ADAM12: variants seen among roughly 807,000 people sequenced by gnomAD.
ADAM12 encodes disintegrin and metalloproteinase domain-containing protein 12.
A neutral mutation model predicts 106.4 loss-of-function variants in ADAM12; 70 were observed. The ratio of observed to expected loss-of-function variants is 0.66; its 90% CI spans 0.54 to 0.80. The LOEUF is 0.80. Among genes scored for constraint, ADAM12 ranks in the 30% least tolerant of loss-of-function variants. ADAM12 has a pLI of 0.00. For synonymous variants in ADAM12, 420 were observed against 433.5 expected (o/e 0.97, Z 0.39); for missense variants, 1,010 against 1,171.9 (o/e 0.86, Z 2.02).
chr10:126,140,602 A>C (rs1274558529), intron 4 of ADAM12, among the ~76,000 whole-genome samples: 2 of 152,230 alleles, frequency 1.3e-5, no homozygotes, highest in Non-Finnish European at 2.9e-5. Context: ...GTTGACTAAC[A>C]AGTCCGTTGT....
chr10:126,237,437 T>C (rs894288785), intron 3 of ADAM12, among the ~76,000 whole-genome samples: 7 of 152,208 alleles, frequency 4.6e-5, no homozygotes, highest in Non-Finnish European at 8.8e-5. Context: ...CCTCATTTCA[T>C]CTATGGCAGC....
At position 126,071,021 on chromosome 10, in the gene ADAM12, G is replaced by A. The variant is rs187714958; in HGVS notation, c.1323+456C>T. On this transcript the variant is annotated intron_variant, in intron 12 of 22. Coordinates refer to ENST00000448723, the MANE Select transcript of ADAM12 (RefSeq NM_001288973.2). ...AGCCTCAAGTCATGCATACAGAGGC[G>A]TCTGCAGCAGCAAGGCAGAATTTCA... 5.9e-5 allele frequency among the ~76,000 whole-genome samples: 9 copies of A among 152,266 alleles called. No individual in the cohort carries two copies. The East Asian group carries it at 9.7e-4, about 16-fold the overall frequency.
At chr10:126,244,348 C>A (rs1958588753) in intron 3 of ADAM12, among the ~76,000 whole-genome samples, 1 of 152,140 alleles carries the variant, frequency 6.6e-6, no homozygotes, top group South Asian at 2.1e-4. Context: ...TATTTGAAGG[C>A]AACCACAGCC....
chr10:126,144,788 C>T (rs1429437311), intron 4 of ADAM12, among the ~76,000 whole-genome samples: 6 of 152,192 alleles, frequency 3.9e-5, no homozygotes, highest in Non-Finnish European at 7.3e-5. Flanking sequence ...GGAAGAACTG[C>T]TGTGAAATGA....
intron 3 of ADAM12, among the ~76,000 whole-genome samples, chr10:126,204,871 C>T (rs1957767961): frequency 6.6e-6 from 1 of 152,206 alleles, no homozygotes; most frequent in Non-Finnish European, 1.5e-5. Flanking sequence ...AACTACCCAA[C>T]TCTGCGCTAT....
At chr10:126,191,691 T>C (rs1399211016) in intron 3 of ADAM12, among the ~76,000 whole-genome samples, 1 of 152,158 alleles carries the variant, frequency 6.6e-6, no homozygotes. Flanking sequence ...TTGAATGCTG[T>C]GGACAATAGC....
chr10:126,348,966 T>G (rs1488121555), intron 1 of ADAM12, among the ~76,000 whole-genome samples: 1 of 152,264 alleles, frequency 6.6e-6, no homozygotes, highest in African/African-American at 2.4e-5. Flanking sequence ...AGGTCCATGC[T>G]TCCTTGAATG....
At chr10:126,113,278 A>C (rs1444085736) in intron 6 of ADAM12, among the ~76,000 whole-genome samples, 5 of 152,102 alleles carry the variant, frequency 3.3e-5, no homozygotes, top group Admixed American at 6.5e-5. Flanking sequence ...AGGAGGTGGA[A>C]GATGGGGACA....
intron 3 of ADAM12, among the ~76,000 whole-genome samples, chr10:126,197,426 G>A (rs1297596537): frequency 2.0e-5 from 3 of 152,194 alleles, no homozygotes; most frequent in African/African-American, 7.2e-5. Context: ...ATGCAGCCTG[G>A]AGGCTGTGCA....
At chr10:126,290,491 T>A (rs1010878551) in intron 2 of ADAM12, among the ~76,000 whole-genome samples, 2 of 152,168 alleles carry the variant, frequency 1.3e-5, no homozygotes, top group Admixed American at 6.5e-5. Flanking sequence ...GAGATTCAAA[T>A]GGTAAAAAGG....
At chr10:126,198,161 T>C (rs77154484) in intron 3 of ADAM12, among the ~76,000 whole-genome samples, 10,240 of 152,260 alleles carry the variant, frequency 0.067, 643 homozygotes, top group African/African-American at 0.16. Context: ...CGGCCCTCCC[T>C]GGAAAGCCCC....
chr10:126,123,360 G>T (rs1221223992), intron 5 of ADAM12, among the ~76,000 whole-genome samples: 1 of 152,236 alleles, frequency 6.6e-6, no homozygotes, highest in Non-Finnish European at 1.5e-5. Context: ...TTTAAATCCA[G>T]TGGACTTTGC....
At chr10:126,363,879 C>T (rs1417935447) in intron 1 of ADAM12, among the ~76,000 whole-genome samples, 2 of 152,102 alleles carry the variant, frequency 1.3e-5, no homozygotes, top group African/African-American at 2.4e-5. Flanking sequence ...ACTTTCCTTC[C>T]TAATATAGAT....
intron 2 of ADAM12, among the ~76,000 whole-genome samples, chr10:126,282,811 A>G (rs1326624782): frequency 6.6e-6 from 1 of 151,864 alleles, no homozygotes; most frequent in Non-Finnish European, 1.5e-5. Flanking sequence ...GCAGTCCCCA[A>G]CATTTTTGCC....
chr10:126,386,999 G>C (rs990797062), intron 1 of ADAM12, among the ~76,000 whole-genome samples: 1 of 152,220 alleles, frequency 6.6e-6, no homozygotes, highest in Non-Finnish European at 1.5e-5. Flanking sequence ...CATTACAGTA[G>C]ACGCGGTGGG....
chr10:126,017,145 G>A lies in ADAM12; in HGVS notation c.*134C>T. ...ATAGCACAGCACAGCACTGACGGCAGTAGCTCAAAGTTCTTATAGTAATGA... is the reference window on the plus strand; with the variant it reads ...ATAGCACAGCACAGCACTGACGGCAATAGCTCAAAGTTCTTATAGTAATGA... On this transcript the variant is annotated 3_prime_UTR_variant, in exon 23 of 23. Transcript: ENST00000448723. 1.3e-6 allele frequency: 1 copy of A among 758,944 alleles called. No homozygotes were observed. Among genetic ancestry groups the A allele is most frequent in the Non-Finnish European group, 2.2e-6 (1 of 463,714 alleles). The allele number at this position is 758,944 out of a possible 1,614,324, so 47.0% of individuals were successfully genotyped here.
chr10:126,132,861 C>A lies in ADAM12; in HGVS notation c.416+2723G>T, dbSNP rs968545033. On this transcript the variant is annotated intron_variant, in intron 5 of 22. Transcript: ENST00000448723. ...TGGTCACTCACCTTCACCTCAGATGCCACCAGGTCTGATCCCATTTCACCC... is the reference window on the plus strand; with the variant it reads ...TGGTCACTCACCTTCACCTCAGATGACACCAGGTCTGATCCCATTTCACCC... Among the ~76,000 whole-genome samples the A allele has an allele frequency of 2.6e-5, 4 of 152,024 alleles. No individual in the cohort carries two copies. In the East Asian group the frequency reaches 5.8e-4, roughly 22 times the overall value.
intron 5 of ADAM12, among the ~76,000 whole-genome samples, chr10:126,131,743 G>A (rs1251493043): frequency 6.6e-6 from 1 of 152,208 alleles, no homozygotes; most frequent in Non-Finnish European, 1.5e-5. Flanking sequence ...CTCAAGAACT[G>A]TGAGAAATAA....
At chr10:126,290,018 G>A (rs1960074196) in intron 2 of ADAM12, among the ~76,000 whole-genome samples, 1 of 152,136 alleles carries the variant, frequency 6.6e-6, no homozygotes, top group Non-Finnish European at 1.5e-5. Flanking sequence ...TTATTCAGAT[G>A]GGCCCAATGT....
Sources: gnomAD v4.1 joint callset for allele counts (sites outside exome capture counted in the v4.1 genomes callset) on GRCh38, gnomAD v4.1.1 for gene constraint, MANE v1.5 for transcripts, NCBI Gene and HGNC (gene_info 2026-07-23, HGNC 2026-07-21) for gene names.